Variants in PABPC4L observed in about 807,000 individuals in gnomAD.
PABPC4L encodes poly(A) binding protein cytoplasmic 4 like.
For missense variants in PABPC4L, 452 were observed against 451.4 expected (o/e 1.00, Z -0.01); for synonymous variants, 169 against 164.1 (o/e 1.03, Z -0.23).
the PABPC4L span, among the ~76,000 whole-genome samples, chr4:134,080,991 A>G: frequency 1.3e-5 from 2 of 152,120 alleles, no homozygotes; most frequent in Non-Finnish European, 2.9e-5. Context: ...TATGAGTCAG[A>G]CTCCAAAGCA....
chr4:133,984,640 G>A, the PABPC4L span, among the ~76,000 whole-genome samples: 2 of 151,732 alleles, frequency 1.3e-5, no homozygotes, highest in African/African-American at 4.8e-5. Flanking sequence ...AGATTACTTG[G>A]GCCAGTAGGT....
At chr4:133,971,238 A>T in the PABPC4L span, among the ~76,000 whole-genome samples, 1 of 149,258 alleles carries the variant, frequency 6.7e-6, no homozygotes, top group Admixed American at 6.8e-5. Context: ...CAGCCTCCGG[A>T]GTAGCTAAGA....
the PABPC4L span, among the ~76,000 whole-genome samples, chr4:134,038,996 G>A: frequency 6.6e-6 from 1 of 152,168 alleles, no homozygotes; most frequent in South Asian, 2.1e-4. Flanking sequence ...TGCTTTAAAT[G>A]TGTCCCAGAG....
At chr4:133,958,578 A>G in the PABPC4L span, among the ~76,000 whole-genome samples, 2 of 152,310 alleles carry the variant, frequency 1.3e-5, no homozygotes, top group African/African-American at 4.8e-5. Flanking sequence ...AGAAATACCC[A>G]AGACTGGGTA....
the PABPC4L span, among the ~76,000 whole-genome samples, chr4:134,136,727 A>G: frequency 0.022 from 3,420 of 152,172 alleles, 128 homozygotes; most frequent in African/African-American, 0.078. Flanking sequence ...TGCAGCGACT[A>G]TGATCATCTC....
the PABPC4L span, among the ~76,000 whole-genome samples, chr4:133,967,472 C>A: frequency 6.6e-6 from 1 of 152,222 alleles, no homozygotes; most frequent in East Asian, 1.9e-4. Flanking sequence ...ACATTTAGTG[C>A]AAAGTGTCTT....
At chr4:134,041,626 A>G in the PABPC4L span, among the ~76,000 whole-genome samples, 1 of 151,952 alleles carries the variant, frequency 6.6e-6, no homozygotes, top group Non-Finnish European at 1.5e-5. Context: ...TACCCAGGTG[A>G]TGAGTGTAGC....
the PABPC4L span, among the ~76,000 whole-genome samples, chr4:134,003,604 T>C: frequency 6.6e-6 from 1 of 151,948 alleles, no homozygotes; most frequent in African/African-American, 2.4e-5. Flanking sequence ...TAAAAAATAA[T>C]GATTTCCTAC....
the PABPC4L span, among the ~76,000 whole-genome samples, chr4:133,968,659 G>A: frequency 7.9e-5 from 12 of 151,960 alleles, no homozygotes; most frequent in African/African-American, 2.2e-4. Flanking sequence ...TATAGTAAAC[G>A]GATAACTAGC....
At chr4:134,117,256 T>A in the PABPC4L span, among the ~76,000 whole-genome samples, 162 of 151,904 alleles carry the variant, frequency 1.1e-3, no homozygotes, top group African/African-American at 3.7e-3. Flanking sequence ...GAGGAAGTAA[T>A]TCCTAAAGCA....
At chr4:133,971,378 T>C in the PABPC4L span, among the ~76,000 whole-genome samples, 3 of 152,124 alleles carry the variant, frequency 2.0e-5, no homozygotes, top group Non-Finnish European at 2.9e-5. Context: ...TCCAAAGTGC[T>C]GGGATTATAG....
chr4:133,988,619 G>T, the PABPC4L span, among the ~76,000 whole-genome samples: 3 of 152,222 alleles, frequency 2.0e-5, no homozygotes, highest in African/African-American at 7.2e-5. Flanking sequence ...AAGTCTCCTG[G>T]CTGCTTTCAC....
chr4:134,046,164 A>G, the PABPC4L span, among the ~76,000 whole-genome samples: 1 of 152,048 alleles, frequency 6.6e-6, no homozygotes, highest in Non-Finnish European at 1.5e-5. Context: ...CTCAGAATTT[A>G]TTGATTACTA....
the PABPC4L span, among the ~76,000 whole-genome samples, chr4:134,102,930 T>C: frequency 1.3e-5 from 2 of 151,440 alleles, no homozygotes; most frequent in East Asian, 1.9e-4. Context: ...TGATAGTGCA[T>C]AGAGAATATA....
chr4:134,138,198 C>A, the PABPC4L span, among the ~76,000 whole-genome samples: 1 of 151,752 alleles, frequency 6.6e-6, no homozygotes, highest in Non-Finnish European at 1.5e-5. Flanking sequence ...TATCTACTTT[C>A]TGACTTATTA....
At chr4:134,016,355 C>T in the PABPC4L span, among the ~76,000 whole-genome samples, 5 of 152,146 alleles carry the variant, frequency 3.3e-5, no homozygotes, top group African/African-American at 7.2e-5. Context: ...CGCAAGGGTC[C>T]TCTATCAGTA....
At chr4:134,120,255 C>A in the PABPC4L span, among the ~76,000 whole-genome samples, 6 of 97,326 alleles carry the variant, frequency 6.2e-5, no homozygotes, top group Non-Finnish European at 9.5e-5. Flanking sequence ...CATTTTTGTT[C>A]TTTGGTTTTT....
At chr4:133,996,669 C>T in the PABPC4L span, among the ~76,000 whole-genome samples, 1 of 152,156 alleles carries the variant, frequency 6.6e-6, no homozygotes, top group African/African-American at 2.4e-5. Context: ...GTCTGTCCTG[C>T]AGACTCTGGC....
At chr4:134,053,191 G>GA in the PABPC4L span, among the ~76,000 whole-genome samples, 13 of 151,926 alleles carry the variant, frequency 8.6e-5, no homozygotes, top group African/African-American at 3.1e-4. Context: ...AAGACACTAG[G>GA]AAAAAAATAG....
Sources: gnomAD v4.1 joint callset for allele counts (sites outside exome capture counted in the v4.1 genomes callset) on GRCh38, gnomAD v4.1.1 for gene constraint, MANE v1.5 for transcripts, NCBI Gene and HGNC (gene_info 2026-07-23, HGNC 2026-07-21) for gene names.